The following ANKRD55 variants were observed in gnomAD, a reference collection of about 807,000 sequenced individuals.
ANKRD55 encodes the protein ankyrin repeat domain-containing protein 55.
A neutral mutation model predicts 60.6 loss-of-function variants in ANKRD55; 41 were observed. The ratio of observed to expected loss-of-function variants is 0.68; its 90% CI spans 0.53 to 0.88. The LOEUF is 0.88. Among genes scored for constraint, ANKRD55 ranks in the 40% least tolerant of loss-of-function variants. ANKRD55 has a pLI of 0.00. For missense variants in ANKRD55, 732 were observed against 767.6 expected, an observed-to-expected ratio of 0.95 and a Z score of 0.55; for synonymous variants, 264 against 290.3, an observed-to-expected ratio of 0.91 and a Z score of 0.92.
intron 7 of ANKRD55, among the ~76,000 whole-genome samples, chr5:56,129,323 C>T (rs1217597775): frequency 2.0e-5 from 3 of 152,308 alleles, no homozygotes; most frequent in African/African-American, 4.8e-5. Context: ...CAGTATTGTA[C>T]ATATCCTATT....
At chr5:56,220,616 A>T (rs1176635516) in intron 2 of ANKRD55, among the ~76,000 whole-genome samples, 1 of 152,194 alleles carries the variant, frequency 6.6e-6, no homozygotes. Flanking sequence ...GGAGTTCAAG[A>T]CTAGCCTGGC....
At chr5:56,179,079 A>C (rs1758803124) in intron 3 of ANKRD55, among the ~76,000 whole-genome samples, 1 of 152,176 alleles carries the variant, frequency 6.6e-6, no homozygotes, top group Admixed American at 6.5e-5. Context: ...TTGATGAACA[A>C]AGAGATATAA....
At chr5:56,227,519 C>A (rs1473830584) in intron 2 of ANKRD55, among the ~76,000 whole-genome samples, 1 of 151,904 alleles carries the variant, frequency 6.6e-6, no homozygotes, top group East Asian at 1.9e-4. Flanking sequence ...AAAACCCCTG[C>A]ACATCTGTGC....
At chr5:56,160,600 C>T (rs1329924634) in intron 5 of ANKRD55, among the ~76,000 whole-genome samples, 1 of 152,170 alleles carries the variant, frequency 6.6e-6, no homozygotes, top group African/African-American at 2.4e-5. Context: ...TAGAAACTTA[C>T]AGAGTGCTTT....
At chr5:56,224,823 A>G (rs1760064430) in intron 2 of ANKRD55, among the ~76,000 whole-genome samples, 1 of 152,226 alleles carries the variant, frequency 6.6e-6, no homozygotes. Context: ...ATAGGCTCTG[A>G]AATTGAGGCA....
intron 9 of ANKRD55, among the ~76,000 whole-genome samples, chr5:56,116,144 C>T (rs564538251): frequency 7.2e-4 from 109 of 152,254 alleles, no homozygotes; most frequent in Non-Finnish European, 1.2e-3. Context: ...CATGAGCCAC[C>T]GCACCTGGCC....
intron 2 of ANKRD55, among the ~76,000 whole-genome samples, chr5:56,195,414 C>G (rs1759206518): frequency 6.6e-6 from 1 of 152,134 alleles, no homozygotes; most frequent in African/African-American, 2.4e-5. Context: ...TTTTACATGG[C>G]TGTCATGCCA....
At chr5:56,176,743 T>C (rs1758746187) in intron 3 of ANKRD55, among the ~76,000 whole-genome samples, 1 of 152,220 alleles carries the variant, frequency 6.6e-6, no homozygotes, top group Non-Finnish European at 1.5e-5. Flanking sequence ...GCTGAAAAAG[T>C]GGCCACCTGT....
intron 10 of ANKRD55, among the ~76,000 whole-genome samples, chr5:56,105,458 A>G (rs1487622822): frequency 6.6e-6 from 1 of 152,212 alleles, no homozygotes; most frequent in African/African-American, 2.4e-5. Context: ...TGACCTTCAC[A>G]TATTATAGAA....
intron 7 of ANKRD55, among the ~76,000 whole-genome samples, chr5:56,131,568 G>A (rs1757411515): frequency 6.6e-6 from 1 of 151,994 alleles, no homozygotes; most frequent in African/African-American, 2.4e-5. Context: ...GGCTGAGGCA[G>A]GTGGATCACC....
intron 3 of ANKRD55, among the ~76,000 whole-genome samples, chr5:56,178,102 C>T (rs1345798928): frequency 1.3e-5 from 2 of 152,126 alleles, no homozygotes; most frequent in Non-Finnish European, 2.9e-5. Context: ...ACTGAATCCT[C>T]GGTACCAACC....
intron 6 of ANKRD55, among the ~76,000 whole-genome samples, chr5:56,159,204 G>A (rs1758264281): frequency 6.6e-6 from 1 of 151,982 alleles, no homozygotes; most frequent in South Asian, 2.1e-4. Flanking sequence ...GCTCATGCCT[G>A]TAATCCCAGC....
At chr5:56,184,919 C>G (rs1758935534) in intron 2 of ANKRD55, among the ~76,000 whole-genome samples, 1 of 151,396 alleles carries the variant, frequency 6.6e-6, no homozygotes, top group Non-Finnish European at 1.5e-5. Context: ...AAGGCGACAA[C>G]AGAACTATGG....
At chr5:56,154,588 T>TG (rs2111782463) in intron 6 of ANKRD55, among the ~76,000 whole-genome samples, 1 of 150,378 alleles carries the variant, frequency 6.6e-6, no homozygotes, top group African/African-American at 2.4e-5. Context: ...TTTAAAGTTT[T>TG]TTTTTTTTTT....
intron 9 of ANKRD55, among the ~76,000 whole-genome samples, chr5:56,115,822 G>A (rs376145979): frequency 6.6e-6 from 1 of 151,818 alleles, no homozygotes; most frequent in African/African-American, 2.4e-5. Context: ...GGATAACAAT[G>A]CATATTTTAT....
rs1041946136 is a variant in ANKRD55, at chr5:56,223,774, TAAAC to T, written c.58+9078_58+9081del. 9.9e-5 allele frequency among the ~76,000 whole-genome samples: 15 copies of T among 152,154 alleles called. 1 individual carries two copies. The highest frequency in any genetic ancestry group is 3.1e-4 in the African/African-American group (13 of 41,422). ...ATTACATAATGATAAAGGGATCAAT[TAAAC>T]AAGAAGAGCTATCCTAAATATATAT... On this transcript the variant is annotated intron_variant, in intron 2 of 11. Transcript: ENST00000341048.
At chr5:56,199,839 C>T (rs1233208184) in intron 2 of ANKRD55, among the ~76,000 whole-genome samples, 5 of 148,008 alleles carry the variant, frequency 3.4e-5, no homozygotes, top group Admixed American at 6.8e-5. Flanking sequence ...TGCAGTGAGC[C>T]GAGATCGCAC....
intron 7 of ANKRD55, among the ~76,000 whole-genome samples, chr5:56,132,031 A>T (rs767476717): frequency 6.6e-6 from 1 of 151,864 alleles, no homozygotes. Context: ...ATATACATAT[A>T]TATAAGCTTA....
intron 2 of ANKRD55, among the ~76,000 whole-genome samples, chr5:56,216,275 G>T (rs1053215115): frequency 3.3e-5 from 5 of 152,010 alleles, no homozygotes; most frequent in African/African-American, 1.2e-4. Flanking sequence ...GACTTAAATG[G>T]ATAAATGTGT....
Sources: gnomAD v4.1 joint callset for allele counts (sites outside exome capture counted in the v4.1 genomes callset) on GRCh38, gnomAD v4.1.1 for gene constraint, MANE v1.5 for transcripts, NCBI Gene and HGNC (gene_info 2026-07-23, HGNC 2026-07-21) for gene names.